CDH13: variants seen among roughly 807,000 people sequenced by gnomAD.
CDH13 encodes cadherin-13.
CDH13 carries 24 observed loss-of-function variants against 63.8 expected under a neutral mutation model. The observed-to-expected ratio is 0.38, with a 90% CI of 0.27 to 0.53. CDH13 has a LOEUF of 0.53. CDH13 is among the 20% of genes least tolerant of loss of function. The pLI is 0.85. For synonymous variants in CDH13, 503 were observed against 355.3 expected (o/e 1.42, Z -4.67); for missense variants, 1,049 against 903.1 (o/e 1.16, Z -2.07).
At chr16:82,839,133 A>AT (rs1174582224) in intron 1 of CDH13, among the ~76,000 whole-genome samples, 1 of 152,186 alleles carries the variant, frequency 6.6e-6, no homozygotes, top group Non-Finnish European at 1.5e-5. Flanking sequence ...CCAGTGGAGG[A>AT]TTGGGACAAG....
chr16:82,638,193 A>G (rs1908923044), intron 1 of CDH13, among the ~76,000 whole-genome samples: 1 of 152,168 alleles, frequency 6.6e-6, no homozygotes, highest in African/African-American at 2.4e-5. Context: ...GGGAACCCAG[A>G]GGTGAACACG....
intron 7 of CDH13, among the ~76,000 whole-genome samples, chr16:83,569,960 C>T (rs1174774127): frequency 6.6e-6 from 1 of 152,164 alleles, no homozygotes; most frequent in African/African-American, 2.4e-5. Flanking sequence ...TGGTCTCGAA[C>T]TCCTGACCTC....
intron 2 of CDH13, among the ~76,000 whole-genome samples, chr16:83,000,037 C>G (rs1010110050): frequency 2.0e-5 from 3 of 151,920 alleles, no homozygotes; most frequent in Admixed American, 6.6e-5. Context: ...ACAACAACAA[C>G]AAAAAAATAT....
intron 1 of CDH13, among the ~76,000 whole-genome samples, chr16:82,855,196 TA>T (rs1310824596): frequency 6.6e-6 from 1 of 152,136 alleles, no homozygotes; most frequent in Admixed American, 6.5e-5. Flanking sequence ...AAGGTTTATT[TA>T]TTTTTTTTAT....
chr16:82,956,370 G>A (rs938138836), intron 2 of CDH13, among the ~76,000 whole-genome samples: 1 of 151,510 alleles, frequency 6.6e-6, no homozygotes, highest in Non-Finnish European at 1.5e-5. Flanking sequence ...TCTAATTTCT[G>A]CTCCAAATGG....
chr16:83,140,068 C>G (rs999411569), intron 4 of CDH13, among the ~76,000 whole-genome samples: 1 of 152,128 alleles, frequency 6.6e-6, no homozygotes, highest in Non-Finnish European at 1.5e-5. Context: ...GAGGGTTTTA[C>G]CTCTCTATTT....
chr16:83,246,293 T>G (rs1422600721), intron 5 of CDH13, among the ~76,000 whole-genome samples: 1 of 152,184 alleles, frequency 6.6e-6, no homozygotes, highest in Non-Finnish European at 1.5e-5. Flanking sequence ...AGACATAGTA[T>G]TTTTCTGTTA....
At chr16:83,482,120 C>T (rs773662163) in intron 6 of CDH13, among the ~76,000 whole-genome samples, 36 of 152,188 alleles carry the variant, frequency 2.4e-4, no homozygotes, top group Non-Finnish European at 1.9e-4. Context: ...TCTCCAGGCA[C>T]GTTGCTCAGT....
chr16:83,309,349 G>T (rs531669209), intron 5 of CDH13, among the ~76,000 whole-genome samples: 75 of 151,748 alleles, frequency 4.9e-4, no homozygotes, highest in Non-Finnish European at 9.4e-4. Context: ...TGAGGGTCCA[G>T]GTCAGTCTCT....
At chr16:83,056,858 G>T (rs1317995552) in intron 3 of CDH13, among the ~76,000 whole-genome samples, 4 of 152,192 alleles carry the variant, frequency 2.6e-5, no homozygotes, top group Non-Finnish European at 5.9e-5. Context: ...TCTCTTGCCT[G>T]CTGCCGTGTA....
At chr16:83,503,120 A>G (rs2074320681) in intron 7 of CDH13, among the ~76,000 whole-genome samples, 2 of 152,224 alleles carry the variant, frequency 1.3e-5, no homozygotes, top group African/African-American at 4.8e-5. Context: ...CACATTGGTA[A>G]GAATGTTCAC....
At chr16:83,177,226 C>T (rs2038165263) in intron 4 of CDH13, among the ~76,000 whole-genome samples, 1 of 152,158 alleles carries the variant, frequency 6.6e-6, no homozygotes, top group Non-Finnish European at 1.5e-5. Flanking sequence ...ATCTTTGCCA[C>T]ATTGTTTTAT....
chr16:82,748,646 T>C (rs1055551507), intron 1 of CDH13, among the ~76,000 whole-genome samples: 5 of 152,180 alleles, frequency 3.3e-5, no homozygotes, highest in Non-Finnish European at 7.4e-5. Flanking sequence ...TTAATAATTG[T>C]ACATTGTAAG....
At chr16:82,654,465 C>T (rs535598678) in intron 1 of CDH13, among the ~76,000 whole-genome samples, 9 of 152,102 alleles carry the variant, frequency 5.9e-5, no homozygotes, top group Non-Finnish European at 1.2e-4. Context: ...CTGAAGGCTG[C>T]CAATTAAATG....
chr16:82,973,321 A>G (rs1057215014), intron 2 of CDH13, among the ~76,000 whole-genome samples: 1 of 152,178 alleles, frequency 6.6e-6, no homozygotes, highest in African/African-American at 2.4e-5. Flanking sequence ...TGCAAGAATC[A>G]GGCTTTACGA....
At chr16:83,781,356 C>G (rs1221930694) in intron 12 of CDH13, among the ~76,000 whole-genome samples, 7 of 152,202 alleles carry the variant, frequency 4.6e-5, no homozygotes, top group Admixed American at 4.6e-4. Flanking sequence ...GACACTATGT[C>G]TTCAATAATA....
chr16:83,675,047 C>A (rs1238568934), intron 9 of CDH13, among the ~76,000 whole-genome samples: 1 of 152,150 alleles, frequency 6.6e-6, no homozygotes, highest in Non-Finnish European at 1.5e-5. Context: ...TTTCCCAGGG[C>A]AGTGGTTTAC....
At chr16:83,444,732 C>G (rs1483854506) in intron 6 of CDH13, among the ~76,000 whole-genome samples, 1 of 116,308 alleles carries the variant, frequency 8.6e-6, no homozygotes, top group Non-Finnish European at 1.8e-5. Flanking sequence ...GGGCAGTGTG[C>G]TGAAACCAGC....
intron 2 of CDH13, among the ~76,000 whole-genome samples, chr16:83,026,161 C>T (rs1597166271): frequency 1.3e-5 from 2 of 152,328 alleles, no homozygotes; most frequent in South Asian, 4.1e-4. Context: ...CAGTTGTTCT[C>T]AGTGTGACCT....
Sources: gnomAD v4.1 joint callset for allele counts (sites outside exome capture counted in the v4.1 genomes callset) on GRCh38, gnomAD v4.1.1 for gene constraint, MANE v1.5 for transcripts, NCBI Gene and HGNC (gene_info 2026-07-23, HGNC 2026-07-21) for gene names.